Variants in TMTC3 observed in about 807,000 individuals in gnomAD.
The protein encoded by TMTC3 is transmembrane O-mannosyltransferase targeting cadherins 3.
In TMTC3, 52 loss-of-function variants were observed where a neutral mutation model predicts 92.2. The ratio of observed to expected loss-of-function variants is 0.56; its 90% CI spans 0.45 to 0.71. TMTC3 has a LOEUF of 0.71. Ranked by LOEUF, TMTC3 falls within the 30% of genes least tolerant of loss-of-function variation. The pLI, the probability that TMTC3 is intolerant of heterozygous loss-of-function variation, is 0.00. For missense variants in TMTC3, 896 were observed against 1,057.1 expected, an observed-to-expected ratio of 0.85 and a Z score of 2.11; for synonymous variants, 339 against 363.3, an observed-to-expected ratio of 0.93 and a Z score of 0.76.
At chr12:88,175,403 T>A (rs12308266) in intron 9 of TMTC3, among the ~76,000 whole-genome samples, 5 of 152,170 alleles carry the variant, frequency 3.3e-5, no homozygotes, top group African/African-American at 1.2e-4. Context: ...GAATTTTTAC[T>A]TCCTTTGGAC....
chr12:88,174,724 G>C lies in TMTC3; in HGVS notation c.1317G>C (p.Leu439Phe). Residue 439 changes from leucine (L) to phenylalanine (F), a missense_variant, in exon 9 of 14, where the codon TTG (leucine) becomes TTC (phenylalanine). Coordinates refer to ENST00000266712, the MANE Select transcript of TMTC3 (RefSeq NM_181783.4). The part of the protein sequence containing the change: ...ESEYTLFMSA[L>F]KVNKNNAKLW... The stretch of plus-strand genomic sequence containing the variant: ...AATATACATTGTTTATGTCAGCCTT[G>C]AAGGTAAAGTGTTGTTCAGAATGAC... 6.2e-7 allele frequency: 1 copy of C among 1,611,816 alleles called. No individual in the cohort carries two copies. Among genetic ancestry groups the C allele is most frequent in the Non-Finnish European group, 8.5e-7 (1 of 1,178,754 alleles).
chr12:88,167,785 C>T (rs1236219295), intron 7 of TMTC3, among the ~76,000 whole-genome samples: 1 of 152,160 alleles, frequency 6.6e-6, no homozygotes, highest in Non-Finnish European at 1.5e-5. Context: ...TTTTGAACAG[C>T]ACTTTATGTC....
rs1345827256 is a variant in TMTC3 at position 88,198,289 on chromosome 12, G to GAGT, written c.*2641_*2643dup. 1.0e-5 allele frequency: 4 copies of GAGT among 397,630 alleles called. No homozygotes were observed. Among genetic ancestry groups the GAGT allele is most frequent in the Non-Finnish European group, 1.8e-5 (4 of 225,528 alleles). The allele number at this position is 397,630 out of a possible 1,614,324, so 24.6% of individuals were successfully genotyped here. ...GGTCAGTTCACTAACCTATGGTTCA[G>GAGT]AGTTCTGATCATATGGAAGTTTGGA... On this transcript the variant is annotated 3_prime_UTR_variant, in exon 14 of 14. Transcript: ENST00000266712.
intron 6 of TMTC3, among the ~76,000 whole-genome samples, chr12:88,165,051 C>G (rs1437289928): frequency 2.6e-5 from 4 of 152,032 alleles, no homozygotes; most frequent in African/African-American, 9.7e-5. Flanking sequence ...TTTGAATCAA[C>G]TATTTTCTAT....
Position 88,154,323 on chromosome 12 carries a change from A to G in TMTC3, c.444A>G (p.Ser148=). 6 of 1,608,746 alleles carry G rather than the reference A, an allele frequency of 3.7e-6. No individual in the cohort carries two copies. The highest frequency in any genetic ancestry group is 1.1e-5 in the South Asian group (1 of 90,116). The change falls in exon 4 of 14, where the codon TCA becomes TCG. Residue 148 remains serine (S), a synonymous_variant. Coordinates refer to ENST00000266712, the MANE Select transcript of TMTC3 (RefSeq NM_181783.4). ...TTGTTGGAAGAGCAGAACTTTTGTC[A>G]TCTATCTTTTTTCTAGCAGCTTTTT... ...TGVVGRAELL[S]SIFFLAAFLS...
Position 88,195,265 on chromosome 12 carries a change from A to G in TMTC3, c.2361A>G (p.Leu787=), listed in dbSNP as rs1001664821. 2 of 1,613,768 alleles carry G rather than the reference A, an allele frequency of 1.2e-6. No individual in the cohort carries two copies. The highest frequency in any genetic ancestry group is 2.7e-5 in the African/African-American group (2 of 74,928). Residue 787 remains leucine (L), a synonymous_variant, in exon 14 of 14, where the codon TTA becomes TTG. Transcript: ENST00000266712. ...LCVVYFEEKD[L]LKAERCLLET... ...TTGTTTATTTTGAAGAAAAAGACTTATTAAAAGCTGAAAGATGCCTTCTTG... is the reference window on the plus strand; with the variant it reads ...TTGTTTATTTTGAAGAAAAAGACTTGTTAAAAGCTGAAAGATGCCTTCTTG...
intron 6 of TMTC3, 62 bp from the exon 7 acceptor site, chr12:88,166,268 A>T: frequency 6.9e-7 from 1 of 1,457,590 alleles, no homozygotes; most frequent in African/African-American, 1.4e-5. Context: ...TGTTTTACTT[A>T]TGTAAATAAT....
At chr12:88,150,527 A>G (rs1235260970) in intron 2 of TMTC3, among the ~76,000 whole-genome samples, 2 of 152,194 alleles carry the variant, frequency 1.3e-5, no homozygotes, top group Non-Finnish European at 2.9e-5. Flanking sequence ...AAAGCCCGTA[A>G]GCAGATGGAC....
chr12:88,167,551 A>G (rs1050343869), intron 7 of TMTC3, among the ~76,000 whole-genome samples: 5 of 152,226 alleles, frequency 3.3e-5, no homozygotes, highest in African/African-American at 1.2e-4. Context: ...TTCAATAAAA[A>G]CTTAGACTTT....
chr12:88,151,771 T>G (rs2040946240), intron 2 of TMTC3, among the ~76,000 whole-genome samples: 1 of 152,204 alleles, frequency 6.6e-6, no homozygotes, highest in South Asian at 2.1e-4. Context: ...TCGAAGGGTT[T>G]CTAGAGTCCT....
rs533136898 is a variant in TMTC3, at chr12:88,151,753, T to G, written c.190-1538T>G. 7.7e-4 allele frequency among the ~76,000 whole-genome samples: 117 copies of G among 152,340 alleles called. 1 individual carries two copies. The highest frequency in any genetic ancestry group is 2.6e-3 in the African/African-American group (109 of 41,582). On this transcript the variant is annotated intron_variant, in intron 2 of 13. Transcript: ENST00000266712. The stretch of plus-strand genomic sequence containing the variant: ...GTTCCATTGTAGCCACAGTGACATT[T>G]CAGGTACTCGAAGGGTTTCTAGAGT...
At chr12:88,181,289 T>A (rs1401448536) in intron 10 of TMTC3, among the ~76,000 whole-genome samples, 1 of 152,196 alleles carries the variant, frequency 6.6e-6, no homozygotes, top group Non-Finnish European at 1.5e-5. Context: ...GTTTTCCAAA[T>A]TCAAGGATGT....
At chr12:88,148,266 A>G (rs779677514) in intron 1 of TMTC3, 22 bp from the exon 2 acceptor site, 4 of 1,455,230 alleles carry the variant, frequency 2.7e-6, no homozygotes, top group Non-Finnish European at 3.8e-6. Flanking sequence ...TCCTTATTTT[A>G]TCTTCATGAT....
chr12:88,198,362 A>C lies in TMTC3; in HGVS notation c.*2713A>C, dbSNP rs540025500. 1 of 398,012 alleles carries C rather than the reference A, an allele frequency of 2.5e-6. No homozygotes were observed. The highest frequency in any genetic ancestry group is 4.4e-6 in the Non-Finnish European group (1 of 225,706). 24.7% of individuals were successfully genotyped at this position (398,012 alleles called of 1,614,324 possible). A position where few individuals can be genotyped will look rare whatever the true frequency, so the allele number is the denominator to read the frequency against. ...GTATGCTGGTGAATGGATAGTTTTA[A>C]TTCTCACTGTCTCAAAAGAGAATCA... On this transcript the variant is annotated 3_prime_UTR_variant, in exon 14 of 14. Transcript: ENST00000266712.
At chr12:88,176,576 G>C (rs1177209926) in intron 10 of TMTC3, among the ~76,000 whole-genome samples, 10 of 151,986 alleles carry the variant, frequency 6.6e-5, no homozygotes, top group Admixed American at 6.6e-4. Flanking sequence ...TTCATGACCA[G>C]CCTAGGCAAC....
chr12:88,194,856 C>G lies in TMTC3; in HGVS notation c.1952C>G (p.Pro651Arg). The G allele has an allele frequency of 1.3e-6, 2 of 1,592,520 alleles. No individual in the cohort carries two copies. Among genetic ancestry groups the G allele is most frequent in the Non-Finnish European group, 1.7e-6 (2 of 1,170,600 alleles). ...TTTCTAGGTGAGGTTAAACTCAGAC[C>G]TGAAGCTAGAAAACGACTTCTAAGT... ...MQESGEVKLR[P>R]EARKRLLSYI... The change falls in exon 14 of 14, where the codon CCT becomes CGT. Residue 651 changes from proline (P) to arginine (R), a missense_variant. Physicochemically the swap from Pro to Arg is moderately radical, Grantham distance 103. Coordinates refer to ENST00000266712, the MANE Select transcript of TMTC3 (RefSeq NM_181783.4).
rs1280438662 is a variant in TMTC3 at position 88,195,594 on chromosome 12, G to T, written c.2690G>T (p.Arg897Ile). The change falls in exon 14 of 14, where the codon AGA (arginine) becomes ATA (isoleucine). Residue 897 changes from arginine (R) to isoleucine (I), a missense_variant. By Grantham distance (97) the Arg-to-Ile change is moderately conservative. Coordinates refer to ENST00000266712, the MANE Select transcript of TMTC3 (RefSeq NM_181783.4). ...GACATCAAAGAAATTGAGAAGAAAA[G>T]AGTTGCTGCTTTAAAAAGACTAGAA... is the stretch of plus-strand genomic sequence containing the variant. ...TKDIKEIEKK[R>I]VAALKRLEEI... is the part of the protein sequence containing the mutation. 6.2e-7 allele frequency: 1 copy of T among 1,603,098 alleles called. No individual in the cohort carries two copies. Among genetic ancestry groups the T allele is most frequent in the South Asian group, 1.1e-5 (1 of 88,040 alleles).
Position 88,198,818 on chromosome 12 carries a change from ACCT to A in TMTC3, c.*3173_*3175del, listed in dbSNP as rs947737942. 4 of 156,074 alleles carry A rather than the reference ACCT, an allele frequency of 2.6e-5. No homozygotes were observed. The highest frequency in any genetic ancestry group is 9.6e-5 in the African/African-American group (4 of 41,742). 9.7% of individuals were successfully genotyped at this position (156,074 alleles called of 1,614,324 possible). A position where few individuals can be genotyped will look rare whatever the true frequency, so the allele number is the denominator to read the frequency against. On this transcript the variant is annotated 3_prime_UTR_variant, in exon 14 of 14. Transcript: ENST00000266712. ...ATTTGTCATATTTATTTTTTTAGAA[ACCT>A]CCTAATTGGATAACTAGATGGTATT...
chr12:88,176,177 G>GT, intron 9 of TMTC3, 31 bp from the exon 10 acceptor site: 1 of 1,420,948 alleles, frequency 7.0e-7, no homozygotes, highest in Non-Finnish European at 9.7e-7. Flanking sequence ...TTTTTTAATT[G>GT]TAACTTTTTC....
Sources: allele counts gnomAD v4.1 joint callset (sites outside exome capture counted in the v4.1 genomes callset), GRCh38; gene constraint gnomAD v4.1.1; transcripts MANE v1.5; gene names NCBI Gene and HGNC (gene_info 2026-07-23, HGNC 2026-07-21).